DNASE1: variants seen among roughly 807,000 people sequenced by gnomAD.
DNASE1 encodes deoxyribonuclease-1.
DNASE1 carries 40 observed loss-of-function variants against 33.9 expected under a neutral mutation model. The observed-to-expected ratio is 1.18, with a 90% confidence interval of 0.92 to 1.54. The LOEUF is 1.54. Ranked by LOEUF, DNASE1 falls within the 40% of genes most tolerant of loss-of-function variation. DNASE1 has a pLI of 0.00. For missense variants in DNASE1, 518 were observed against 372.6 expected, an observed-to-expected ratio of 1.39 and a Z score of -3.21; for synonymous variants, 216 against 160.0, an observed-to-expected ratio of 1.35 and a Z score of -2.64.
intron 1 of DNASE1, among the ~76,000 whole-genome samples, chr16:3,643,351 G>C (rs1256196453): frequency 6.6e-6 from 1 of 152,258 alleles, no homozygotes; most frequent in Non-Finnish European, 1.5e-5. Flanking sequence ...GGGATTTTTG[G>C]CAGTTTCGTG....
chr16:3,657,159 C>G, intron 6 of DNASE1, 28 bp from the exon 7 acceptor site: 1 of 1,614,138 alleles, frequency 6.2e-7, no homozygotes, highest in East Asian at 2.2e-5. Context: ...CCGCATGTCC[C>G]AGGGCCACAG....
intron 1 of DNASE1, among the ~76,000 whole-genome samples, chr16:3,620,165 A>G (rs1261329328): frequency 2.3e-4 from 35 of 148,970 alleles, no homozygotes; most frequent in Non-Finnish European, 4.5e-5. Context: ...ATCCACCCGC[A>G]TCGGCTTCCC....
At chr16:3,662,222 C>A, downstream of DNASE1, 1 of 1,489,338 alleles carries the variant, frequency 6.7e-7, no homozygotes, top group South Asian at 1.3e-5. Flanking sequence ...TCACCCAGAC[C>A]ACGAGGTAGC....
downstream of DNASE1, chr16:3,658,723 C>G (rs140396775): frequency 2.5e-4 from 368 of 1,449,156 alleles, 5 homozygotes; most frequent in African/African-American, 4.2e-3. Context: ...AACCGCTGTT[C>G]CACCCTGAAG....
intron 1 of DNASE1, among the ~76,000 whole-genome samples, chr16:3,628,462 ATAG>A (rs376603975): frequency 1.3e-5 from 2 of 152,264 alleles, no homozygotes; most frequent in African/African-American, 4.8e-5. Flanking sequence ...ACTAGGTTAA[ATAG>A]TAGTGGTAAA....
intron 1 of DNASE1, among the ~76,000 whole-genome samples, chr16:3,645,427 G>C (rs949502221): frequency 6.6e-6 from 1 of 152,238 alleles, no homozygotes; most frequent in Non-Finnish European, 1.5e-5. Flanking sequence ...ATCCTCATTG[G>C]GAATATGAGT....
intron 1 of DNASE1, among the ~76,000 whole-genome samples, chr16:3,613,053 A>G (rs1449749693): frequency 6.6e-6 from 1 of 152,198 alleles, no homozygotes; most frequent in East Asian, 1.9e-4. Flanking sequence ...GTACGTTCAC[A>G]GGATTTGCAG....
Position 3,656,743 on chromosome 16 carries a change from C to G in DNASE1, c.426C>G (p.Ser142=). ...AGCCAGCCATTGTCAGGTTCTTCTC[C>G]CGGTTCACAGGTGGGTGCTGCCTGG... ...NREPAIVRFF[S]RFTEVREFAI... is the part of the protein sequence containing the mutation. The change falls in exon 5 of 9, where the codon TCC becomes TCG. Residue 142 remains serine (S), a synonymous_variant. Coordinates refer to ENST00000246949, the MANE Select transcript of DNASE1 (RefSeq NM_005223.4). 1 of 1,608,302 alleles carries G rather than the reference C, an allele frequency of 6.2e-7. No individual in the cohort carries two copies. Among genetic ancestry groups the G allele is most frequent in the Non-Finnish European group, 8.5e-7 (1 of 1,177,352 alleles).
chr16:3,656,758 G>C lies in DNASE1; in HGVS notation c.436+5G>C, dbSNP rs756561600. 6.2e-6 allele frequency: 10 copies of C among 1,600,540 alleles called. No homozygotes were observed. The highest frequency in any genetic ancestry group is 8.5e-6 in the Non-Finnish European group (10 of 1,173,812). ...GGTTCTTCTCCCGGTTCACAGGTGG[G>C]TGCTGCCTGGGCCAGGGTGGGGCTC... On this transcript the variant is annotated splice_donor_5th_base_variant and intron_variant, in intron 5 of 8. Transcript: ENST00000246949.
chr16:3,652,073 ACAGCAGG>A (rs2042353770), upstream of DNASE1: 1 of 152,346 alleles, frequency 6.6e-6, no homozygotes, highest in African/African-American at 2.4e-5. Context: ...GGGCAGCCAC[ACAGCAGG>A]CAGCACTCGC....
chr16:3,631,348 G>T (rs2041692693), intron 1 of DNASE1, among the ~76,000 whole-genome samples: 1 of 151,792 alleles, frequency 6.6e-6, no homozygotes, highest in South Asian at 2.1e-4. Flanking sequence ...GGGACTACAA[G>T]TGCCCCCCAC....
intron 1 of DNASE1, among the ~76,000 whole-genome samples, chr16:3,623,358 G>C (rs1869756543): frequency 6.6e-6 from 1 of 152,006 alleles, no homozygotes; most frequent in African/African-American, 2.4e-5. Flanking sequence ...TTAAACATAA[G>C]ACCTGAAACT....
intron 1 of DNASE1, among the ~76,000 whole-genome samples, chr16:3,612,549 CTTT>C (rs35085629): frequency 3.2e-5 from 2 of 62,978 alleles, no homozygotes; most frequent in African/African-American, 6.5e-5. Context: ...CCGCTCACGG[CTTT>C]TTTTTTTTTT....
rs569706229 is a variant in DNASE1 at position 3,616,228 on chromosome 16, C to T, written c.-1359+4222C>T. Among the ~76,000 whole-genome samples, 6 of 152,324 alleles carry T rather than the reference C, an allele frequency of 3.9e-5. No homozygotes were observed. In the South Asian group the frequency reaches 1.2e-3, roughly 32 times the overall value. The stretch of plus-strand genomic sequence containing the variant: ...AGACAAATTTAAGGGAGGTTTCAGA[C>T]AGCAAAACTCCCCCCAAAGCATCTA... On this transcript the variant is annotated intron_variant and NMD_transcript_variant, in intron 1 of 11. Transcript: ENST00000570769.
At chr16:3,630,326 CA>C (rs1018613706) in intron 1 of DNASE1, among the ~76,000 whole-genome samples, 1 of 152,080 alleles carries the variant, frequency 6.6e-6, no homozygotes, top group Non-Finnish European at 1.5e-5. Flanking sequence ...GGACCACAGG[CA>C]CACGCCACCA....
intron 1 of DNASE1, among the ~76,000 whole-genome samples, chr16:3,619,158 C>T (rs1316901588): frequency 6.6e-6 from 1 of 152,036 alleles, no homozygotes; most frequent in African/African-American, 2.4e-5. Context: ...CCTCAGCCTC[C>T]CTAGTAGCTG....
chr16:3,612,869 G>GTT (rs1040682436), intron 1 of DNASE1, among the ~76,000 whole-genome samples: 2 of 152,118 alleles, frequency 1.3e-5, no homozygotes, highest in African/African-American at 4.8e-5. Context: ...AGACGCAGTT[G>GTT]TTAACGATTT....
chr16:3,662,695 T>C, downstream of DNASE1: 1 of 700,672 alleles, frequency 1.4e-6, no homozygotes, highest in Non-Finnish European at 2.6e-6. Flanking sequence ...AGACACGGCC[T>C]TCCTGCCTCA....
exon 10 of DNASE1, chr16:3,664,359 CG>C: frequency 6.2e-7 from 1 of 1,612,352 alleles, no homozygotes; most frequent in Non-Finnish European, 8.5e-7. Flanking sequence ...GTAGATGTTG[CG>C]GGTGCCGGCC....
Sources: allele counts gnomAD v4.1 joint callset (sites outside exome capture counted in the v4.1 genomes callset), GRCh38; gene constraint gnomAD v4.1.1; transcripts MANE v1.5; gene names NCBI Gene and HGNC (gene_info 2026-07-23, HGNC 2026-07-21).